Variants in SLC38A6 observed in about 807,000 individuals in gnomAD.
The protein encoded by SLC38A6 is N system amino acid transporter NAT-1.
Under a neutral mutation model 65.0 loss-of-function variants are expected in SLC38A6, and 73 were observed. The ratio of observed to expected loss-of-function variants is 1.12; its 90% CI spans 0.93 to 1.37. SLC38A6 has a LOEUF of 1.37. Among genes scored for constraint, SLC38A6 ranks in the 40% most tolerant of loss-of-function variants. SLC38A6 has a pLI of 0.00. For synonymous variants in SLC38A6, 183 were observed against 178.8 expected (o/e 1.02, Z -0.19); for missense variants, 561 against 531.1 (o/e 1.06, Z -0.55).
At chr14:61,012,589 G>A (rs2139496424) in intron 3 of SLC38A6, among the ~76,000 whole-genome samples, 1 of 151,688 alleles carries the variant, frequency 6.6e-6, no homozygotes, top group East Asian at 2.0e-4. Flanking sequence ...TTGTGTCTTT[G>A]TTCTTGTTGA....
chr14:60,981,260 A>G lies in SLC38A6; in HGVS notation c.-18A>G. The G allele has an allele frequency of 6.3e-7, 1 of 1,585,466 alleles. No individual in the cohort carries two copies. The highest frequency in any genetic ancestry group is 8.6e-7 in the Non-Finnish European group (1 of 1,165,858). On this transcript the variant is annotated 5_prime_UTR_variant, in exon 1 of 16. Transcript: ENST00000267488. ...GTAGAGGCTCGTAGATGGAACTGGT[A>G]GTCAGCTGGAGAGCAGCATGGAGGC...
intron 3 of SLC38A6, among the ~76,000 whole-genome samples, chr14:60,999,621 A>G (rs572201056): frequency 1.3e-5 from 2 of 152,372 alleles, no homozygotes; most frequent in South Asian, 2.1e-4. Flanking sequence ...GGCAAAAAAG[A>G]ACTTTGCAGA....
At chr14:60,998,205 C>A (rs951335761) in intron 3 of SLC38A6, among the ~76,000 whole-genome samples, 1 of 151,800 alleles carries the variant, frequency 6.6e-6, no homozygotes, top group Non-Finnish European at 1.5e-5. Context: ...CCCCACCCCC[C>A]AAGCCTGGAA....
At chr14:61,030,117 T>A (rs188356839) in intron 5 of SLC38A6, among the ~76,000 whole-genome samples, 181 of 152,236 alleles carry the variant, frequency 1.2e-3, no homozygotes, top group African/African-American at 4.1e-3. Context: ...TATAAGAGAG[T>A]TTTTGTAAAA....
At position 60,981,324 on chromosome 14, in the gene SLC38A6, T is replaced by C. The variant is rs1191490563; in HGVS notation, c.47T>C (p.Val16Ala). 1 of 1,611,002 alleles carries C rather than the reference T, an allele frequency of 6.2e-7. No homozygotes were observed. The highest frequency in any genetic ancestry group is 1.3e-5 in the African/African-American group (1 of 75,006). ...TTCAACGCTGAGCGGGGCTGGTATGTCTCTGTCCAGCAGCCTGAAGAAGCG... is the reference window on the plus strand; with the variant it reads ...TTCAACGCTGAGCGGGGCTGGTATGCCTCTGTCCAGCAGCCTGAAGAAGCG... ...GSFNAERGWY[V>A]SVQQPEEAEA... The change falls in exon 1 of 16, where the codon GTC (valine) becomes GCC (alanine). Residue 16 changes from valine (V) to alanine (A), a missense_variant. Physicochemically the swap from Val to Ala is moderately conservative, Grantham distance 64. Coordinates refer to ENST00000267488, the MANE Select transcript of SLC38A6 (RefSeq NM_153811.3).
In SLC38A6 at chr14:61,000,619, T is replaced by G. The variant is rs764908684; in HGVS notation, c.311-15285T>G. On this transcript the variant is annotated intron_variant, in intron 3 of 15. Coordinates refer to ENST00000267488, the MANE Select transcript of SLC38A6 (RefSeq NM_153811.3). ...TGCATTCCAGCCTGGGCGACAAGAG[T>G]GAAACTCCACTTCCAAGGGAAAAAA... Among the ~76,000 whole-genome samples the G allele has an allele frequency of 5.9e-5, 9 of 151,732 alleles. No individual in the cohort carries two copies. In the South Asian group the frequency reaches 1.0e-3, roughly 18 times the overall value.
intron 6 of SLC38A6, among the ~76,000 whole-genome samples, chr14:61,035,103 TTGAAAAAG>T (rs2041262881): frequency 6.6e-6 from 1 of 152,166 alleles, no homozygotes; most frequent in Non-Finnish European, 1.5e-5. Context: ...ACCAAACAAT[TTGAAAAAG>T]TCCCTATTGG....
chr14:61,049,360 G>T (rs958561953), intron 12 of SLC38A6, among the ~76,000 whole-genome samples: 18 of 152,100 alleles, frequency 1.2e-4, no homozygotes, highest in African/African-American at 4.3e-4. Context: ...TGCTTTGTTT[G>T]TGCTGCTCCT....
At chr14:61,067,102 A>G (rs1002384095) in intron 15 of SLC38A6, among the ~76,000 whole-genome samples, 4 of 152,318 alleles carry the variant, frequency 2.6e-5, no homozygotes, top group East Asian at 1.9e-4. Flanking sequence ...TTTTTAATAT[A>G]TACATATGTT....
chr14:61,075,350 AT>A (rs761100039), intron 15 of SLC38A6, among the ~76,000 whole-genome samples: 25 of 152,160 alleles, frequency 1.6e-4, no homozygotes, highest in Non-Finnish European at 2.9e-4. Context: ...TATCCAGGTG[AT>A]CCAGAAACCT....
At chr14:61,051,972 T>C in intron 14 of SLC38A6, 41 bp downstream of exon 14, 1 of 1,601,992 alleles carries the variant, frequency 6.2e-7, no homozygotes, top group Non-Finnish European at 8.5e-7. Context: ...ATAAAATTGA[T>C]AAAATTGCTA....
intron 12 of SLC38A6, among the ~76,000 whole-genome samples, chr14:61,048,651 C>A (rs1594745233): frequency 6.6e-6 from 1 of 152,092 alleles, no homozygotes; most frequent in Non-Finnish European, 1.5e-5. Context: ...TGCTTTGGAT[C>A]CTTTTATCCA....
intron 13 of SLC38A6, 33 bp from the exon 14 acceptor site, chr14:61,051,753 CT>C (rs1257314377): frequency 6.2e-7 from 1 of 1,601,480 alleles, no homozygotes. Flanking sequence ...TTGACATTTC[CT>C]CTTCGCTATA....
chr14:61,015,122 G>A (rs1216408141), intron 3 of SLC38A6, among the ~76,000 whole-genome samples: 1 of 152,188 alleles, frequency 6.6e-6, no homozygotes, highest in Admixed American at 6.5e-5. Flanking sequence ...CTTGCAGTTT[G>A]ATCTCAGACT....
chr14:61,005,437 T>C (rs1358807971), intron 3 of SLC38A6, among the ~76,000 whole-genome samples: 90 of 142,618 alleles, frequency 6.3e-4, no homozygotes, highest in African/African-American at 1.5e-3. Flanking sequence ...AAAACCCCAT[T>C]GTCTCAGCCC....
chr14:60,988,393 A>T (rs187418122), intron 3 of SLC38A6, among the ~76,000 whole-genome samples: 1 of 152,106 alleles, frequency 6.6e-6, no homozygotes, highest in East Asian at 1.9e-4. Context: ...TTTAGCTTCT[A>T]CTCACCTTTT....
At chr14:60,991,444 T>C (rs557189894) in intron 3 of SLC38A6, among the ~76,000 whole-genome samples, 2 of 152,156 alleles carry the variant, frequency 1.3e-5, no homozygotes, top group Non-Finnish European at 1.5e-5. Flanking sequence ...TGAAATGAGG[T>C]AACTGTGGCA....
At chr14:61,009,829 C>T (rs2039421073) in intron 3 of SLC38A6, among the ~76,000 whole-genome samples, 1 of 152,328 alleles carries the variant, frequency 6.6e-6, no homozygotes, top group Admixed American at 6.5e-5. Flanking sequence ...GTGAATAGTG[C>T]CACAGTAAAC....
chr14:61,013,037 C>T (rs530586610), intron 3 of SLC38A6, among the ~76,000 whole-genome samples: 1 of 152,238 alleles, frequency 6.6e-6, no homozygotes, highest in African/African-American at 2.4e-5. Context: ...TTGTAGGTCT[C>T]TAAGGACTTG....
Sources: gnomAD v4.1 joint callset for allele counts (sites outside exome capture counted in the v4.1 genomes callset) on GRCh38, gnomAD v4.1.1 for gene constraint, MANE v1.5 for transcripts, NCBI Gene and HGNC (gene_info 2026-07-23, HGNC 2026-07-21) for gene names.